The following NRG3 variants were observed in gnomAD, a reference collection of about 807,000 sequenced individuals.
NRG3 encodes the protein neuregulin 3.
Under a neutral mutation model 66.9 loss-of-function variants are expected in NRG3, and 31 were observed. That is an observed-to-expected ratio of 0.46 (90% CI 0.35 to 0.63). NRG3 has a LOEUF of 0.63. Ranked by LOEUF, NRG3 falls within the 20% of genes least tolerant of loss-of-function variation. The pLI, the probability that NRG3 is intolerant of heterozygous loss-of-function variation, is 0.00. For synonymous variants in NRG3, 393 were observed against 359.4 expected, an observed-to-expected ratio of 1.09 and a Z score of -1.06; for missense variants, 910 against 878.9, an observed-to-expected ratio of 1.04 and a Z score of -0.45.
intron 2 of NRG3, among the ~76,000 whole-genome samples, chr10:82,713,050 G>A (rs1007047247): frequency 1.4e-5 from 2 of 145,906 alleles, no homozygotes; most frequent in East Asian, 2.1e-4. Flanking sequence ...AATCGGGGAG[G>A]TGGAGGTTGC....
intron 1 of NRG3, among the ~76,000 whole-genome samples, chr10:82,101,321 A>G (rs1028402560): frequency 3.3e-5 from 5 of 151,852 alleles, no homozygotes; most frequent in East Asian, 1.9e-4. Flanking sequence ...CTATTTCAGT[A>G]ATATCAACTT....
rs557949493 is a variant in NRG3, at chr10:82,230,429, T to G, written c.824-128310T>G. 8.1e-4 allele frequency: 124 copies of G among 152,242 alleles called. 1 individual carries two copies. Among genetic ancestry groups the G allele is most frequent in the African/African-American group, 2.9e-3 (122 of 41,540 alleles). 9.4% of individuals were successfully genotyped at this position (152,242 alleles called of 1,614,324 possible). A position where few individuals can be genotyped will look rare whatever the true frequency, so the allele number is the denominator to read the frequency against. ...GAATTCCTCTCAGTAACATTCCACA[T>G]TAGGAAAAGAACAGGTCAATGCCTT... is the stretch of plus-strand genomic sequence containing the variant. On this transcript the variant is annotated intron_variant, in intron 1 of 8. Coordinates refer to ENST00000372141, the MANE Select transcript of NRG3 (RefSeq NM_001010848.4).
At chr10:82,605,639 A>T (rs1308436736) in intron 2 of NRG3, among the ~76,000 whole-genome samples, 4 of 152,072 alleles carry the variant, frequency 2.6e-5, no homozygotes, top group Non-Finnish European at 5.9e-5. Context: ...AAAATATTAT[A>T]GAGAATTTAT....
intron 4 of NRG3, among the ~76,000 whole-genome samples, chr10:82,949,223 A>G (rs777448157): frequency 5.9e-5 from 9 of 152,162 alleles, no homozygotes; most frequent in Non-Finnish European, 1.2e-4. Flanking sequence ...ATTTTTGTGT[A>G]TAAACCTTAC....
At chr10:82,713,317 G>A (rs1255630568) in intron 2 of NRG3, among the ~76,000 whole-genome samples, 2 of 151,822 alleles carry the variant, frequency 1.3e-5, no homozygotes, top group Non-Finnish European at 2.9e-5. Context: ...AGCATTAAAG[G>A]GCCAGGATAG....
intron 1 of NRG3, among the ~76,000 whole-genome samples, chr10:82,195,169 T>C (rs1291137350): frequency 6.6e-6 from 1 of 152,132 alleles, no homozygotes; most frequent in Non-Finnish European, 1.5e-5. Flanking sequence ...TGGTAGCCAC[T>C]CAAGAGCTCA....
intron 1 of NRG3, among the ~76,000 whole-genome samples, chr10:82,037,470 C>T (rs776110903): frequency 1.3e-5 from 2 of 152,172 alleles, no homozygotes; most frequent in Non-Finnish European, 2.9e-5. Flanking sequence ...TTAAGAGAGG[C>T]TGTATCCTGT....
chr10:82,669,549 A>G (rs981815542), intron 2 of NRG3, among the ~76,000 whole-genome samples: 2 of 152,178 alleles, frequency 1.3e-5, no homozygotes, highest in African/African-American at 4.8e-5. Context: ...GCTGGAAGGC[A>G]CATTCCAAAA....
chr10:82,571,046 G>T (rs2045701759), intron 2 of NRG3, among the ~76,000 whole-genome samples: 1 of 150,980 alleles, frequency 6.6e-6, no homozygotes, highest in Non-Finnish European at 1.5e-5. Flanking sequence ...ATTTCTCCTC[G>T]ACTCAATTTA....
At chr10:82,522,540 G>A (rs542858975) in intron 2 of NRG3, among the ~76,000 whole-genome samples, 2 of 151,976 alleles carry the variant, frequency 1.3e-5, no homozygotes, top group African/African-American at 4.8e-5. Context: ...GAAATATTTC[G>A]AGAAACACCA....
chr10:82,200,995 A>C (rs889761413), intron 1 of NRG3, among the ~76,000 whole-genome samples: 7 of 152,068 alleles, frequency 4.6e-5, no homozygotes, highest in Admixed American at 2.0e-4. Flanking sequence ...CAGGAGTTAG[A>C]GACCAGCCTG....
chr10:82,982,330 C>T (rs1359247917), intron 8 of NRG3, among the ~76,000 whole-genome samples: 1 of 152,168 alleles, frequency 6.6e-6, no homozygotes, highest in Non-Finnish European at 1.5e-5. Flanking sequence ...TAAAAGAATG[C>T]TTCGACTCAC....
intron 2 of NRG3, among the ~76,000 whole-genome samples, chr10:82,412,764 A>G (rs370488973): frequency 2.0e-5 from 3 of 152,188 alleles, no homozygotes; most frequent in East Asian, 3.8e-4. Flanking sequence ...AGTTTGTGCA[A>G]TATTCTAAAT....
intron 2 of NRG3, among the ~76,000 whole-genome samples, chr10:82,399,673 G>C (rs12250512): frequency 0.4 from 61,498 of 151,912 alleles, 15,222 homozygotes; most frequent in African/African-American, 0.69. Flanking sequence ...ATCATAGGGG[G>C]TTTACCCACA....
chr10:82,336,529 CTTTT>C (rs11345974), intron 1 of NRG3, among the ~76,000 whole-genome samples: 2 of 137,824 alleles, frequency 1.5e-5, no homozygotes, highest in Admixed American at 7.3e-5. Context: ...CTTTTCTTTT[CTTTT>C]TTTTTTTTTT....
chr10:82,267,176 C>T (rs2078342421), intron 1 of NRG3, among the ~76,000 whole-genome samples: 1 of 152,152 alleles, frequency 6.6e-6, no homozygotes, highest in South Asian at 2.1e-4. Context: ...TGCTAGAGGA[C>T]TAACACTTAG....
rs938930929 is a variant in NRG3 at position 82,985,585 on chromosome 10, G to A, written c.2071G>A (p.Asp691Asn). ...TGTCTTAAGAAATGAAATACAAAGA[G>A]ACTCTGCATTGACCAAGTGACTTGA... ...QFVLRNEIQR[D>N]SALTK The change falls in exon 9 of 9, where the codon GAC becomes AAC. Residue 691 changes from aspartate to asparagine, a missense_variant. Transcript: ENST00000372141. The A allele has an allele frequency of 1.9e-6, 3 of 1,612,406 alleles. No individual in the cohort carries two copies. Among genetic ancestry groups the A allele is most frequent in the Non-Finnish European group, 2.5e-6 (3 of 1,179,916 alleles).
At chr10:82,198,889 C>T (rs1233446825) in intron 1 of NRG3, among the ~76,000 whole-genome samples, 1 of 151,624 alleles carries the variant, frequency 6.6e-6, no homozygotes, top group Non-Finnish European at 1.5e-5. Context: ...CCCAGCTACT[C>T]AAGAGGTTGA....
chr10:82,691,951 T>C (rs1421301710), intron 2 of NRG3, among the ~76,000 whole-genome samples: 1 of 152,168 alleles, frequency 6.6e-6, no homozygotes, highest in East Asian at 1.9e-4. Flanking sequence ...TTTGTGTTTT[T>C]TGAACCAATA....
Sources: allele counts gnomAD v4.1 joint callset (sites outside exome capture counted in the v4.1 genomes callset), GRCh38; gene constraint gnomAD v4.1.1; transcripts MANE v1.5; gene names NCBI Gene and HGNC (gene_info 2026-07-23, HGNC 2026-07-21).